The following SUGCT variants were observed in gnomAD, a reference collection of about 807,000 sequenced individuals.
SUGCT encodes the protein succinyl-CoA:glutarate CoA-transferase.
In SUGCT, 41 loss-of-function variants were observed where a neutral mutation model predicts 55.0. The ratio of observed to expected loss-of-function variants is 0.74; its 90% CI spans 0.58 to 0.97. The LOEUF (loss-of-function observed/expected upper bound fraction) is 0.97, where lower values mean the gene tolerates loss of function less well. SUGCT is among the 50% of genes least tolerant of loss of function. The pLI, the probability that SUGCT is intolerant of heterozygous loss-of-function variation, is 0.00. For missense variants in SUGCT, 568 were observed against 547.8 expected, an observed-to-expected ratio of 1.04 and a Z score of -0.37; for synonymous variants, 187 against 200.4, an observed-to-expected ratio of 0.93 and a Z score of 0.56.
chr7:40,655,293 CA>C (rs148915118), intron 12 of SUGCT, among the ~76,000 whole-genome samples: 11 of 150,746 alleles, frequency 7.3e-5, no homozygotes, highest in East Asian at 3.9e-4. Context: ...GATCCTGTCT[CA>C]AAAAAAAATT....
the SUGCT span, among the ~76,000 whole-genome samples, chr7:40,930,515 A>G: frequency 6.6e-6 from 1 of 152,156 alleles, no homozygotes; most frequent in Admixed American, 6.5e-5. Context: ...CTTGGGCAGT[A>G]TGGCCATTTC....
chr7:40,928,895 G>A, the SUGCT span, among the ~76,000 whole-genome samples: 190 of 152,104 alleles, frequency 1.2e-3, 1 homozygote, highest in African/African-American at 4.4e-3. Flanking sequence ...CACCCTGCCC[G>A]GCAAAACTCT....
chr7:40,446,812 A>C (rs1196586915), intron 9 of SUGCT, among the ~76,000 whole-genome samples: 1 of 152,206 alleles, frequency 6.6e-6, no homozygotes, highest in Non-Finnish European at 1.5e-5. Flanking sequence ...GCACTGTATA[A>C]AATAACTTTA....
the SUGCT span, among the ~76,000 whole-genome samples, chr7:41,013,962 A>G: frequency 6.6e-6 from 1 of 152,162 alleles, no homozygotes; most frequent in African/African-American, 2.4e-5. Context: ...GACTGAACCC[A>G]CAAACCTGGG....
chr7:40,593,656 C>T (rs909753987), intron 12 of SUGCT, among the ~76,000 whole-genome samples: 8 of 151,994 alleles, frequency 5.3e-5, no homozygotes, highest in African/African-American at 1.7e-4. Context: ...GCCTGGCCAA[C>T]GTGGTGAAAC....
intron 9 of SUGCT, among the ~76,000 whole-genome samples, chr7:40,393,057 G>A (rs1785529706): frequency 6.6e-6 from 1 of 152,188 alleles, no homozygotes; most frequent in South Asian, 2.1e-4. Flanking sequence ...GACCATATGA[G>A]TCTGATCTTG....
chr7:40,188,447 A>C (rs889295242), intron 3 of SUGCT, 48 bp from the exon 4 acceptor site: 4 of 1,299,736 alleles, frequency 3.1e-6, no homozygotes, highest in Middle Eastern at 2.3e-4. Context: ...AAAAAAAAAA[A>C]AAAAAAAACA....
chr7:40,619,499 A>G (rs893985062), intron 12 of SUGCT, among the ~76,000 whole-genome samples: 6 of 152,168 alleles, frequency 3.9e-5, no homozygotes, highest in Non-Finnish European at 8.8e-5. Context: ...GAAGCAAATA[A>G]TTTCTGCCAA....
At chr7:40,240,821 C>A (rs1789331821) in intron 7 of SUGCT, among the ~76,000 whole-genome samples, 1 of 152,136 alleles carries the variant, frequency 6.6e-6, no homozygotes, top group Non-Finnish European at 1.5e-5. Context: ...GCGGTGGAGC[C>A]CAAGTTTATC....
At chr7:40,285,494 G>GT (rs1793273784) in intron 8 of SUGCT, among the ~76,000 whole-genome samples, 1 of 137,744 alleles carries the variant, frequency 7.3e-6, no homozygotes, top group Admixed American at 6.9e-5. Flanking sequence ...TCTTTTTTCG[G>GT]GGGGGGGCAA....
At chr7:40,785,760 A>T (rs1490421116) in intron 13 of SUGCT, among the ~76,000 whole-genome samples, 1 of 152,134 alleles carries the variant, frequency 6.6e-6, no homozygotes, top group Non-Finnish European at 1.5e-5. Flanking sequence ...CAAAATCATT[A>T]ATTAGGCTTC....
chr7:40,412,926 T>A (rs1400924044), intron 9 of SUGCT, among the ~76,000 whole-genome samples: 1 of 152,226 alleles, frequency 6.6e-6, no homozygotes, highest in Non-Finnish European at 1.5e-5. Context: ...GTTAAAAGTA[T>A]GCTCTTTACC....
chr7:40,940,450 A>G, the SUGCT span, among the ~76,000 whole-genome samples: 3 of 152,082 alleles, frequency 2.0e-5, no homozygotes, highest in Non-Finnish European at 4.4e-5. Flanking sequence ...AATTGTATGG[A>G]ATCTGTAAAT....
intron 12 of SUGCT, among the ~76,000 whole-genome samples, chr7:40,608,404 A>G (rs1798620688): frequency 6.6e-6 from 1 of 152,136 alleles, no homozygotes; most frequent in South Asian, 2.1e-4. Flanking sequence ...GTCCAAACAT[A>G]CTCTGAAATA....
intron 13 of SUGCT, among the ~76,000 whole-genome samples, chr7:40,774,618 CAG>C (rs1400548681): frequency 2.0e-5 from 3 of 152,058 alleles, no homozygotes; most frequent in Non-Finnish European, 4.4e-5. Flanking sequence ...AATTTCCTAA[CAG>C]AGTTATTTCT....
intron 12 of SUGCT, among the ~76,000 whole-genome samples, chr7:40,537,395 T>C (rs1231599508): frequency 2.6e-5 from 4 of 152,202 alleles, no homozygotes; most frequent in Non-Finnish European, 5.9e-5. Flanking sequence ...GGTAAAATTA[T>C]CAAATCTACA....
intron 6 of SUGCT, among the ~76,000 whole-genome samples, chr7:40,209,028 A>T (rs1787179312): frequency 6.6e-6 from 1 of 152,286 alleles, no homozygotes; most frequent in South Asian, 2.1e-4. Context: ...TCTTACTGCT[A>T]TTCACCATAT....
At chr7:40,294,718 T>C (rs1043551032) in intron 8 of SUGCT, among the ~76,000 whole-genome samples, 7 of 152,076 alleles carry the variant, frequency 4.6e-5, no homozygotes, top group African/African-American at 9.7e-5. Context: ...GGCTAGTTTT[T>C]GTACTTTTAG....
At chr7:40,530,618 T>C (rs1266803348) in intron 12 of SUGCT, among the ~76,000 whole-genome samples, 1 of 152,206 alleles carries the variant, frequency 6.6e-6, no homozygotes, top group Non-Finnish European at 1.5e-5. Context: ...ATATGTGAGA[T>C]TCATTTGATG....
Sources: gnomAD v4.1 joint callset for allele counts (sites outside exome capture counted in the v4.1 genomes callset) on GRCh38, gnomAD v4.1.1 for gene constraint, MANE v1.5 for transcripts, NCBI Gene and HGNC (gene_info 2026-07-23, HGNC 2026-07-21) for gene names.